DSCAM: variants seen among roughly 807,000 people sequenced by gnomAD.
DSCAM encodes DS cell adhesion molecule.
In DSCAM, 47 loss-of-function variants were observed where a neutral mutation model predicts 217.7. The observed-to-expected ratio is 0.22, with a 90% CI of 0.17 to 0.28. The LOEUF is 0.28. Ranked by LOEUF, DSCAM falls within the 10% of genes least tolerant of loss-of-function variation. The pLI, the probability that DSCAM is intolerant of heterozygous loss-of-function variation, is 1.00. For synonymous variants in DSCAM, 1,056 were observed against 1,015.3 expected, an observed-to-expected ratio of 1.04 and a Z score of -0.76; for missense variants, 2,080 against 2,618.3, an observed-to-expected ratio of 0.79 and a Z score of 4.49.
intron 3 of DSCAM, among the ~76,000 whole-genome samples, chr21:40,478,098 C>T (rs967258465): frequency 1.3e-5 from 2 of 152,150 alleles, no homozygotes; most frequent in African/African-American, 4.8e-5. Context: ...TAAATAGAAC[C>T]ACACAGAATA....
intron 1 of DSCAM, among the ~76,000 whole-genome samples, chr21:40,809,720 A>G (rs1426278436): frequency 6.6e-6 from 1 of 152,114 alleles, no homozygotes; most frequent in African/African-American, 2.4e-5. Flanking sequence ...TCCCCTGCCT[A>G]TGGTGATCAT....
intron 10 of DSCAM, among the ~76,000 whole-genome samples, chr21:40,293,020 G>A (rs962828164): frequency 7.9e-5 from 12 of 152,206 alleles, no homozygotes; most frequent in African/African-American, 2.9e-4. Context: ...ACAGGTGTGA[G>A]CCACTGCACT....
At chr21:40,482,402 G>A (rs1200772921) in intron 3 of DSCAM, among the ~76,000 whole-genome samples, 2 of 152,252 alleles carry the variant, frequency 1.3e-5, no homozygotes, top group Middle Eastern at 3.4e-3. Context: ...TTTGTCATCT[G>A]TAGATATTTC....
chr21:40,818,988 G>T (rs905450609), intron 1 of DSCAM, among the ~76,000 whole-genome samples: 3 of 152,084 alleles, frequency 2.0e-5, no homozygotes, highest in Non-Finnish European at 2.9e-5. Flanking sequence ...AGGAAACCAG[G>T]ATTTGAGGTC....
At position 40,737,900 on chromosome 21, in the gene DSCAM, C is replaced by CCTTCTTTTT. The variant is rs1244781552; in HGVS notation, c.44-29138_44-29130dup. ...CTTACCTCCTGTCATGCAGAAACCA[C>CCTTCTTTTT]CTTCTTTTTCTGAAGGCACAGTCAA... On this transcript the variant is annotated intron_variant, in intron 1 of 32. Coordinates refer to ENST00000400454, the MANE Select transcript of DSCAM (RefSeq NM_001389.5). 3.9e-5 allele frequency among the ~76,000 whole-genome samples: 6 copies of CCTTCTTTTT among 152,144 alleles called. No homozygotes were observed. The East Asian group carries it at 7.7e-4, about 20-fold the overall frequency.
chr21:40,553,803 G>C (rs115314169), intron 3 of DSCAM, among the ~76,000 whole-genome samples: 1,662 of 152,134 alleles, frequency 0.011, 30 homozygotes, highest in African/African-American at 0.038. Flanking sequence ...CTGTGACAGA[G>C]TCATAGGATC....
At chr21:40,147,839 C>CT (rs1434724294) in intron 16 of DSCAM, among the ~76,000 whole-genome samples, 2 of 151,936 alleles carry the variant, frequency 1.3e-5, no homozygotes, top group African/African-American at 4.8e-5. Context: ...TTTATTTAAC[C>CT]TTTTTTTAAT....
intron 6 of DSCAM, among the ~76,000 whole-genome samples, chr21:40,342,648 A>ATATATATATATATATATAT (rs61637421): frequency 2.5e-5 from 2 of 80,316 alleles, no homozygotes; most frequent in African/African-American, 5.2e-5. Context: ...ATATATATAT[A>ATATATATATATATATATAT]TTTTTTTTTT....
chr21:40,524,531 CAT>C (rs1381334398), intron 3 of DSCAM, among the ~76,000 whole-genome samples: 4 of 145,640 alleles, frequency 2.7e-5, no homozygotes, highest in African/African-American at 1.1e-4. Flanking sequence ...TCTGTGTTAT[CAT>C]GTATTAACAA....
intron 1 of DSCAM, among the ~76,000 whole-genome samples, chr21:40,731,425 G>A (rs1459976929): frequency 6.6e-6 from 1 of 152,132 alleles, no homozygotes; most frequent in Non-Finnish European, 1.5e-5. Flanking sequence ...TAGCTCATGG[G>A]GCGGTGAGTA....
intron 11 of DSCAM, among the ~76,000 whole-genome samples, chr21:40,236,012 C>T (rs143407837): frequency 1.3e-3 from 194 of 152,250 alleles, no homozygotes; most frequent in Middle Eastern, 3.4e-3. Context: ...AGTACCATAT[C>T]GAGGGTGGAA....
chr21:40,758,986 G>T (rs747578572), intron 1 of DSCAM, among the ~76,000 whole-genome samples: 2 of 152,070 alleles, frequency 1.3e-5, no homozygotes, highest in African/African-American at 2.4e-5. Flanking sequence ...AATAAAGAAC[G>T]CAAGTATGCT....
chr21:40,414,679 A>T (rs749430604), intron 3 of DSCAM, among the ~76,000 whole-genome samples: 3 of 152,228 alleles, frequency 2.0e-5, no homozygotes, highest in Admixed American at 6.5e-5. Flanking sequence ...AAATACATTG[A>T]TCCAGTTAGC....
intron 3 of DSCAM, among the ~76,000 whole-genome samples, chr21:40,649,996 A>C (rs2089993585): frequency 6.6e-6 from 1 of 152,190 alleles, no homozygotes; most frequent in African/African-American, 2.4e-5. Flanking sequence ...CTGTGAGATG[A>C]GCAGCACAGA....
chr21:40,837,079 A>G (rs1285750511), intron 1 of DSCAM, among the ~76,000 whole-genome samples: 1 of 152,240 alleles, frequency 6.6e-6, no homozygotes. Flanking sequence ...GAAGGATACT[A>G]ACTAATGTTC....
At chr21:40,629,549 T>C (rs2089659057) in intron 3 of DSCAM, 1 of 152,324 alleles carries the variant, frequency 6.6e-6, no homozygotes, top group Non-Finnish European at 1.5e-5. Flanking sequence ...CTGTGTTCTC[T>C]TTTTCTCAGT....
chr21:40,324,482 A>G (rs1455939533), intron 8 of DSCAM, among the ~76,000 whole-genome samples: 1 of 152,218 alleles, frequency 6.6e-6, no homozygotes, highest in African/African-American at 2.4e-5. Flanking sequence ...AATGTGGTGG[A>G]AAGAACTGGA....
At chr21:40,127,612 T>C (rs2090109008) in intron 19 of DSCAM, among the ~76,000 whole-genome samples, 1 of 152,164 alleles carries the variant, frequency 6.6e-6, no homozygotes, top group Admixed American at 6.5e-5. Context: ...GTCTCATGTG[T>C]CCAATTGGCT....
chr21:40,543,124 G>A (rs2076554690), intron 3 of DSCAM, among the ~76,000 whole-genome samples: 1 of 152,186 alleles, frequency 6.6e-6, no homozygotes, highest in Non-Finnish European at 1.5e-5. Flanking sequence ...TACAAAATAT[G>A]TTTAAGTATT....
Sources: allele counts gnomAD v4.1 joint callset (sites outside exome capture counted in the v4.1 genomes callset), GRCh38; gene constraint gnomAD v4.1.1; transcripts MANE v1.5; gene names NCBI Gene and HGNC (gene_info 2026-07-23, HGNC 2026-07-21).